The following RNF213 variants were observed in gnomAD, a reference collection of about 807,000 sequenced individuals.
RNF213 encodes the protein ring finger protein 213, also known as E3 ubiquitin-protein ligase RNF213.
In RNF213, 341 loss-of-function variants were observed where a neutral mutation model predicts 514.4. The ratio of observed to expected loss-of-function variants is 0.66; its 90% CI spans 0.61 to 0.73. The LOEUF (loss-of-function observed/expected upper bound fraction) is 0.73. Ranked by LOEUF, RNF213 falls within the 30% of genes least tolerant of loss-of-function variation. RNF213 has a pLI of 0.00. For missense variants in RNF213, 5,767 were observed against 6,615.6 expected (o/e 0.87, Z 4.45); for synonymous variants, 2,655 against 2,658.2 (o/e 1.00, Z 0.04).
intron 23 of RNF213, 105 bp from the exon 24 acceptor site, chr17:80,337,481 A>G: frequency 7.0e-7 from 1 of 1,425,820 alleles, no homozygotes; most frequent in African/African-American, 1.4e-5. Context: ...AAGCGTGGGG[A>G]GAAGGCTCTG....
At position 80,396,726 on chromosome 17, in the gene RNF213, T is replaced by TGGGCCCC; in HGVS notation, c.*3228_*3229insGGGCCCC. The TGGGCCCC allele has an allele frequency of 1.5e-5, 1 of 67,944 alleles. No homozygotes were observed. The allele number at this position is 67,944 out of a possible 1,614,324, so 4.2% of individuals were successfully genotyped here. ...AAAACAAGCGCCAGGAAAGTGCATTTCCCCCCCACCCCCCCCCCCCAACCA... is the reference window on the plus strand; with the variant it reads ...AAAACAAGCGCCAGGAAAGTGCATTTGGGCCCCCCCCCCCACCCCCCCCCCCCAACCA... On this transcript the variant is annotated 3_prime_UTR_variant, in exon 68 of 68. Coordinates refer to ENST00000582970, the MANE Select transcript of RNF213 (RefSeq NM_001256071.3).
chr17:80,298,719 C>T (rs745896294), intron 11 of RNF213: 18 of 587,588 alleles, frequency 3.1e-5, no homozygotes, highest in Non-Finnish European at 5.1e-5. Flanking sequence ...AATCCCAGCA[C>T]TTTGGGAGGC....
rs773878812 is a variant in RNF213, at chr17:80,376,539, T to C, written c.13424T>C (p.Met4475Thr). 6 of 1,614,026 alleles carry C rather than the reference T, an allele frequency of 3.7e-6. No individual in the cohort carries two copies. The Admixed American group carries it at 6.7e-5, about 18-fold the overall frequency. The change falls in exon 52 of 68, where the codon ATG becomes ACG. Residue 4475 changes from methionine to threonine, a missense_variant. Physicochemically the swap from Met to Thr is moderately conservative, Grantham distance 81. Around this residue, in one of 13 missense-constraint regions of RNF213, gnomAD observed 1,245 missense variants for 1,339.0 expected, o/e 0.93. Transcript: ENST00000582970. ...AATCTGGCCTTCTCCCCAGCCACCATGGCGGTAAGAGTAGGCCACAATTCC... is the reference window on the plus strand; with the variant it reads ...AATCTGGCCTTCTCCCCAGCCACCACGGCGGTAAGAGTAGGCCACAATTCC... ...LKNLAFSPAT[M>T]AHAFLPTMPE...
rs1236989197 is a variant in RNF213 at position 80,393,911 on chromosome 17, T to A, written c.*413T>A. 4.9e-6 allele frequency: 1 copy of A among 204,840 alleles called. No individual in the cohort carries two copies. Among genetic ancestry groups the A allele is most frequent in the Non-Finnish European group, 1.0e-5 (1 of 98,848 alleles). The allele number at this position is 204,840 out of a possible 1,614,324, so 12.7% of individuals were successfully genotyped here. The stretch of plus-strand genomic sequence containing the variant: ...AATTCTGTACTCACAAAAGAGAATC[T>A]CATTTTCTTCTTTCTTCCATTCCCT... On this transcript the variant is annotated 3_prime_UTR_variant, in exon 68 of 68. Transcript: ENST00000582970.
At chr17:80,342,711 A>G (rs1407264045) in intron 26 of RNF213, among the ~76,000 whole-genome samples, 1 of 145,234 alleles carries the variant, frequency 6.9e-6, no homozygotes, top group East Asian at 2.0e-4. Flanking sequence ...CTATATATAC[A>G]TATATAGTAT....
chr17:80,316,980 T>C (rs971309538), intron 15 of RNF213, among the ~76,000 whole-genome samples: 4 of 152,260 alleles, frequency 2.6e-5, no homozygotes, highest in South Asian at 2.1e-4. Context: ...TGGCCCCTGG[T>C]TGGGTCTCTG....
chr17:80,375,400 C>T (rs563157428), intron 50 of RNF213, among the ~76,000 whole-genome samples: 3 of 152,046 alleles, frequency 2.0e-5, no homozygotes, highest in Non-Finnish European at 4.4e-5. Context: ...GGCCTCTGGC[C>T]CTTAGGTAGA....
intron 2 of RNF213, among the ~76,000 whole-genome samples, chr17:80,268,341 A>G (rs1031101868): frequency 8.0e-6 from 1 of 125,532 alleles, no homozygotes; most frequent in Non-Finnish European, 1.6e-5. Context: ...GTCGACAGTG[A>G]GACCCTGTCT....
In RNF213 at chr17:80,351,768, T is replaced by C. The variant is rs141165583; in HGVS notation, c.10268T>C (p.Val3423Ala). The C allele has an allele frequency of 1.2e-4, 186 of 1,587,132 alleles. 1 individual carries two copies. The African/African-American group carries it at 2.1e-3, about 18-fold the overall frequency. The stretch of plus-strand genomic sequence containing the variant: ...TATTTCATCACAAAACTGTCCCGGG[T>C]GGGAAGAGGAACAGCCTATGTGGGC... ...FVYFITKLSR[V>A]GRGTAYVGFH... The change falls in exon 32 of 68, where the codon GTG becomes GCG. Residue 3423 changes from valine (V) to alanine (A), a missense_variant. Physicochemically the swap from Val to Ala is moderately conservative, Grantham distance 64. This residue lies in a region of RNF213 where 919 missense variants were observed against 1,121.0 expected (regional missense o/e 0.82). Transcript: ENST00000582970.
rs771176350 is a variant in RNF213, at chr17:80,363,181, C to T, written c.11435C>T (p.Pro3812Leu). 9 of 1,614,102 alleles carry T rather than the reference C, an allele frequency of 5.6e-6. No individual in the cohort carries two copies. The highest frequency in any genetic ancestry group is 2.7e-5 in the African/African-American group (2 of 74,930). Reference protein sequence around the residue: ...SEAPEEEVSLPWVHLAYQRFR... With the variant: ...SEAPEEEVSLLWVHLAYQRFR... ...GCGCCCGAGGAAGAGGTTTCCTTAC[C>T]GTGGGTGCACCTTGCCTACCAGCGT... is the stretch of plus-strand genomic sequence containing the variant. Residue 3812 changes from proline to leucine, a missense_variant, in exon 40 of 68, where the codon CCG becomes CTG. Physicochemically the swap from Pro to Leu is moderately conservative, Grantham distance 98. This residue lies in a region of RNF213 where 355 missense variants were observed against 358.0 expected (regional missense o/e 0.99). Coordinates refer to ENST00000582970, the MANE Select transcript of RNF213 (RefSeq NM_001256071.3).
Position 80,308,621 on chromosome 17 carries a change from A to G in RNF213, c.2502-397A>G, listed in dbSNP as rs1319445293. ...CCCAGGCCCGGCAGAGCTGGAGCCA[A>G]TTCCACACGGGCTGCACGCTCTTCT... On this transcript the variant is annotated intron_variant, in intron 13 of 67. Coordinates refer to ENST00000582970, the MANE Select transcript of RNF213 (RefSeq NM_001256071.3). Among the ~76,000 whole-genome samples the G allele has an allele frequency of 3.3e-5, 5 of 152,312 alleles. No individual in the cohort carries two copies. In the East Asian group the frequency reaches 7.7e-4, roughly 24 times the overall value.
In RNF213 at chr17:80,345,470, C is replaced by T. The variant is rs2078278439; in HGVS notation, c.7135C>T (p.Leu2379=). The change falls in exon 29 of 68, where the codon CTG becomes TTG. Residue 2379 remains leucine (L), a synonymous_variant. Coordinates refer to ENST00000582970, the MANE Select transcript of RNF213 (RefSeq NM_001256071.3). This position sits in a 1 kb window ranked among gnomAD's most constrained non-coding sequence, Gnocchi z 6.0. ...PRHKKLERLC[L]TLGIPQATDP... ...ACACAAGAAACTTGAGAGGCTCTGC[C>T]TGACCTTAGGGATCCCCCAGGCCAC... 1.2e-6 allele frequency: 2 copies of T among 1,611,102 alleles called. No homozygotes were observed. The highest frequency in any genetic ancestry group is 1.7e-6 in the Non-Finnish European group (2 of 1,177,980).
At position 80,350,328 on chromosome 17, in the gene RNF213, T is replaced by G. The variant is rs2078461411; in HGVS notation, c.10116T>G (p.Cys3372Trp). The part of the protein sequence containing the change: ...VRNCLTNTAK[C>W]KILIFQTDFE... The stretch of plus-strand genomic sequence containing the variant: ...ACTGTTTAACGAATACAGCCAAATG[T>G]AAAATCCTCATTTTTCAGACAGATT... The change falls in exon 31 of 68, where the codon TGT (cysteine) becomes TGG (tryptophan). Residue 3372 changes from cysteine (C) to tryptophan (W), a missense_variant. Cys to Trp is a radical substitution (Grantham distance 215, BLOSUM62 -2). This residue lies in a region of RNF213 where 919 missense variants were observed against 1,121.0 expected (regional missense o/e 0.82). Coordinates refer to ENST00000582970, the MANE Select transcript of RNF213 (RefSeq NM_001256071.3). The G allele has an allele frequency of 1.2e-6, 2 of 1,610,046 alleles. No individual in the cohort carries two copies. The highest frequency in any genetic ancestry group is 4.5e-5 in the East Asian group (2 of 44,866).
In RNF213 at chr17:80,383,939, C is replaced by T. The variant is rs1319878624; in HGVS notation, c.14322+11C>T. On this transcript the variant is annotated intron_variant, in intron 59 of 67. Coordinates refer to ENST00000582970, the MANE Select transcript of RNF213 (RefSeq NM_001256071.3). ...CATTTCCTGCAGAAGGTATGTCTGGCTTACTGTGGCTCCCTCCCTCTTTCG... is the reference window on the plus strand; with the variant it reads ...CATTTCCTGCAGAAGGTATGTCTGGTTTACTGTGGCTCCCTCCCTCTTTCG... 4 of 1,614,030 alleles carry T rather than the reference C, an allele frequency of 2.5e-6. No homozygotes were observed. The highest frequency in any genetic ancestry group is 1.7e-5 in the Admixed American group (1 of 59,998).
In RNF213 at chr17:80,307,274, G is replaced by A. The variant is rs560093707; in HGVS notation, c.2501+73G>A. On this transcript the variant is annotated intron_variant, in intron 13 of 67. Transcript: ENST00000582970. ...GGGCTTCCTCTGACCCCTATAATTG[G>A]CCGTGACCCACATGTGCTGTTGTAA... The A allele has an allele frequency of 8.1e-5, 106 of 1,314,676 alleles. No homozygotes were observed. The South Asian group carries it at 1.2e-3, about 15-fold the overall frequency. 81.4% of individuals were successfully genotyped at this position (1,314,676 alleles called of 1,614,324 possible).
intron 36 of RNF213, chr17:80,354,999 C>T: frequency 2.8e-6 from 1 of 356,290 alleles, no homozygotes; most frequent in South Asian, 2.1e-5. Flanking sequence ...CAGGACCCAG[C>T]AGTATATTCA....
At chr17:80,330,839 A>T (rs1001814922) in intron 20 of RNF213, among the ~76,000 whole-genome samples, 1 of 151,894 alleles carries the variant, frequency 6.6e-6, no homozygotes, top group Admixed American at 6.6e-5. Flanking sequence ...TTTTTTTGGG[A>T]CAGAGTCTTG....
At chr17:80,336,641 A>C in intron 23 of RNF213, 1 of 479,690 alleles carries the variant, frequency 2.1e-6, no homozygotes. Context: ...AAATATGCTG[A>C]AACGTTGCCA....
Position 80,358,051 on chromosome 17 carries a change from T to G in RNF213, c.10863-237T>G, listed in dbSNP as rs991469274. 2.0e-5 allele frequency among the ~76,000 whole-genome samples: 3 copies of G among 152,206 alleles called. No individual in the cohort carries two copies. In the South Asian group the frequency reaches 6.2e-4, roughly 32 times the overall value. On this transcript the variant is annotated intron_variant, in intron 36 of 67. Transcript: ENST00000582970. ...CTTCCAGTAACCTAATGACAGTTTA[T>G]TAGATGTAGAATTAAGTTCCATTCC...
Sources: allele counts gnomAD v4.1 joint callset (sites outside exome capture counted in the v4.1 genomes callset), GRCh38; gene constraint gnomAD v4.1.1; regional missense constraint gnomAD v4.1.1; non-coding constraint Gnocchi (gnomAD v3.1); transcripts MANE v1.5; gene names NCBI Gene and HGNC (gene_info 2026-07-23, HGNC 2026-07-21).